SDS: variants seen among roughly 807,000 people sequenced by gnomAD.
SDS encodes L-serine dehydratase/L-threonine deaminase.
A neutral mutation model predicts 29.3 loss-of-function variants in SDS; 19 were observed. The observed-to-expected ratio is 0.65, with a 90% CI of 0.45 to 0.95. The LOEUF is 0.95. Among genes scored for constraint, SDS ranks in the 40% least tolerant of loss-of-function variants. The probability of loss-of-function intolerance (pLI) is 0.00; values close to 1 mark genes in which losing one functional copy is unlikely to be tolerated. For synonymous variants in SDS, 176 were observed against 189.0 expected, an observed-to-expected ratio of 0.93 and a Z score of 0.56; for missense variants, 375 against 439.9, an observed-to-expected ratio of 0.85 and a Z score of 1.32.
intron 3 of SDS, 121 bp from the exon 4 acceptor site, chr12:113,398,967 G>C: frequency 6.6e-7 from 1 of 1,523,256 alleles, no homozygotes; most frequent in Non-Finnish European, 8.9e-7. Flanking sequence ...CTGGGCGACT[G>C]CTGGCCTCCC....
At chr12:113,398,955 C>G in intron 3 of SDS, 109 bp from the exon 4 acceptor site, 1 of 1,521,112 alleles carries the variant, frequency 6.6e-7, no homozygotes, top group Non-Finnish European at 8.9e-7. Context: ...CACCTCCCCA[C>G]CCTGGGCGAC....
At position 113,398,714 on chromosome 12, in the gene SDS, A is replaced by G; in HGVS notation, c.326T>C (p.Val109Ala). Residue 109 changes from valine to alanine, a missense_variant, in exon 4 of 8, where the codon GTG becomes GCG. Physicochemically the swap from Val to Ala is moderately conservative, Grantham distance 64. Coordinates refer to ENST00000257549, the MANE Select transcript of SDS (RefSeq NM_006843.3). ...CCCTGGGTCGGCACTCACCTCACCC[A>G]CCACCTTGACTGTGGCACCTTCATT... is the stretch of plus-strand genomic sequence containing the variant. Reference protein sequence around the residue: ...LKNEGATVKVVGELLDEAFEL... With the variant: ...LKNEGATVKVAGELLDEAFEL... 1 of 1,614,044 alleles carries G rather than the reference A, an allele frequency of 6.2e-7. No individual in the cohort carries two copies. The highest frequency in any genetic ancestry group is 8.5e-7 in the Non-Finnish European group (1 of 1,179,938).
At chr12:113,393,865 C>A (rs773319477) in intron 7 of SDS, 27 bp downstream of exon 7, 7 of 1,613,690 alleles carry the variant, frequency 4.3e-6, no homozygotes, top group Non-Finnish European at 5.9e-6. Flanking sequence ...GTCAGCAGGT[C>A]AGGTCATGGG....
intron 5 of SDS, among the ~76,000 whole-genome samples, chr12:113,397,855 C>T (rs1344557519): frequency 6.6e-6 from 1 of 152,156 alleles, no homozygotes; most frequent in Non-Finnish European, 1.5e-5. Context: ...TTCCCCACTC[C>T]CCCACTGAAT....
At chr12:113,400,254 T>C (rs949702697) in intron 1 of SDS, among the ~76,000 whole-genome samples, 4 of 151,036 alleles carry the variant, frequency 2.6e-5, no homozygotes, top group African/African-American at 7.3e-5. Context: ...ATCGCGCCAT[T>C]GCACTCCTGC....
intron 6 of SDS, 131 bp from the exon 7 acceptor site, chr12:113,394,147 C>G: frequency 1.2e-6 from 1 of 809,780 alleles, no homozygotes; most frequent in Non-Finnish European, 2.0e-6. Flanking sequence ...GGACAGGTAT[C>G]ACCTCTGCAG....
chr12:113,393,170 CA>C, intron 7 of SDS, 21 bp from the exon 8 acceptor site: 1 of 1,611,586 alleles, frequency 6.2e-7, no homozygotes. Flanking sequence ...AGGGGCGTGA[CA>C]GGGGCGTGGC....
In SDS at chr12:113,398,726, GT is replaced by G; in HGVS notation, c.313del (p.Thr105GlnfsTer19). ...TIERLKNEGA[T>X]VKVVGELLDE... is the part of the protein sequence containing the mutation. ...ACTCACCTCACCCACCACCTTGACTGTGGCACCTTCATTCTTGAGGCGCTCA... is the reference window on the plus strand; with the variant it reads ...ACTCACCTCACCCACCACCTTGACTGGGCACCTTCATTCTTGAGGCGCTCA... On this transcript the variant is annotated frameshift_variant, in exon 4 of 8. Coordinates refer to ENST00000257549, the MANE Select transcript of SDS (RefSeq NM_006843.3). LOFTEE classifies it high-confidence loss of function. 1 of 1,614,228 alleles carries G rather than the reference GT, an allele frequency of 6.2e-7. No homozygotes were observed. Among genetic ancestry groups the G allele is most frequent in the Non-Finnish European group, 8.5e-7 (1 of 1,180,032 alleles).
At chr12:113,399,467 G>A (rs757562747) in intron 2 of SDS, 89 bp downstream of exon 2, 78 of 1,374,386 alleles carry the variant, frequency 5.7e-5, no homozygotes, top group Non-Finnish European at 4.0e-5. Context: ...ATCCTACAAC[G>A]CCTTTAATTT....
At chr12:113,401,378 C>T (rs78655033) in intron 1 of SDS, among the ~76,000 whole-genome samples, 5,362 of 145,864 alleles carry the variant, frequency 0.037, 117 homozygotes, top group East Asian at 0.09. Context: ...AAATTTTATT[C>T]ATTCATTCAT....
intron 6 of SDS, 44 bp from the exon 7 acceptor site, chr12:113,394,060 CAG>C (rs1378679545): frequency 6.3e-7 from 1 of 1,599,320 alleles, no homozygotes; most frequent in Admixed American, 1.7e-5. Context: ...GTGGGGGAAA[CAG>C]GAGAGAGATG....
At chr12:113,395,913 A>C (rs1957641162) in intron 6 of SDS, among the ~76,000 whole-genome samples, 1 of 152,204 alleles carries the variant, frequency 6.6e-6, no homozygotes, top group Non-Finnish European at 1.5e-5. Flanking sequence ...GGAGTTCGAG[A>C]CTAGCCTGGC....
intron 6 of SDS, among the ~76,000 whole-genome samples, chr12:113,394,332 GTTGTTTTTTTGT>G (rs1271821453): frequency 6.9e-6 from 1 of 144,476 alleles, no homozygotes; most frequent in African/African-American, 2.7e-5. Flanking sequence ...TTGTTTTTTT[GTTGTTTTTTTGT>G]TTTTTTTTTT....
At chr12:113,394,350 T>G (rs1439061615) in intron 6 of SDS, among the ~76,000 whole-genome samples, 2 of 151,082 alleles carry the variant, frequency 1.3e-5, no homozygotes, top group African/African-American at 4.9e-5. Flanking sequence ...TTTGTTTTTT[T>G]TTTTTTTTAG....
chr12:113,397,493 T>C, intron 5 of SDS, 101 bp from the exon 6 acceptor site: 1 of 970,986 alleles, frequency 1.0e-6, no homozygotes. Flanking sequence ...GGCCTGGAGC[T>C]AGTTCCCTCC....
intron 1 of SDS, among the ~76,000 whole-genome samples, chr12:113,402,610 G>A (rs996846421): frequency 1.3e-5 from 2 of 152,146 alleles, no homozygotes; most frequent in South Asian, 4.1e-4. Flanking sequence ...ATTAAAGGCC[G>A]GTGTAGGTCA....
rs572881857 is a variant in SDS, at chr12:113,393,550, A to T, written c.778+342T>A. Among the ~76,000 whole-genome samples, 14 of 151,984 alleles carry T rather than the reference A, an allele frequency of 9.2e-5. No homozygotes were observed. In the East Asian group the frequency reaches 2.5e-3, roughly 27 times the overall value. ...CAGAAAGAGTCCAGCCTAGTTACAG[A>T]CTCACCTCTGAATGAATCAAACTCT... On this transcript the variant is annotated intron_variant, in intron 7 of 7. Transcript: ENST00000257549.
chr12:113,398,763 C>T lies in SDS; in HGVS notation c.277G>A (p.Ala93Thr). ...ATIVVPSTTP[A>T]LTIERLKNEG... Reference sequence around the variant, plus strand: ...TTCTTGAGGCGCTCAATGGTGAGAGCAGGTGTGGTGCTGGGCACCACGATG... The same window carrying T: ...TTCTTGAGGCGCTCAATGGTGAGAGTAGGTGTGGTGCTGGGCACCACGATG... Residue 93 changes from alanine to threonine, a missense_variant, in exon 4 of 8, where the codon GCT (alanine) becomes ACT (threonine). Physicochemically the swap from Ala to Thr is moderately conservative, Grantham distance 58. Coordinates refer to ENST00000257549, the MANE Select transcript of SDS (RefSeq NM_006843.3). 1 of 1,614,198 alleles carries T rather than the reference C, an allele frequency of 6.2e-7. No homozygotes were observed. The highest frequency in any genetic ancestry group is 8.5e-7 in the Non-Finnish European group (1 of 1,180,032).
At chr12:113,399,758 T>A in intron 1 of SDS, 48 bp from the exon 2 acceptor site, 7 of 1,440,192 alleles carry the variant, frequency 4.9e-6, no homozygotes, top group Non-Finnish European at 5.5e-6. Flanking sequence ...CTAGCCCCGG[T>A]GCCAGCACTG....
Sources: gnomAD v4.1 joint callset for allele counts (sites outside exome capture counted in the v4.1 genomes callset) on GRCh38, gnomAD v4.1.1 for gene constraint, MANE v1.5 for transcripts, NCBI Gene and HGNC (gene_info 2026-07-23, HGNC 2026-07-21) for gene names.